WAC: variants seen among roughly 807,000 people sequenced by gnomAD.
WAC encodes WW domain containing adaptor with coiled-coil, also known as WW domain-containing adapter protein with coiled-coil.
In WAC, 11 loss-of-function variants were observed where a neutral mutation model predicts 79.6. That is an observed-to-expected ratio of 0.14 (90% confidence interval 0.09 to 0.23). The LOEUF is 0.23. Ranked by LOEUF, WAC falls within the 10% of genes least tolerant of loss-of-function variation. WAC has a pLI of 1.00. For synonymous variants in WAC, 304 were observed against 276.9 expected (o/e 1.10, Z -0.97); for missense variants, 728 against 773.5 (o/e 0.94, Z 0.70).
chr10:28,541,420 GTTTTTTTTT>G (rs869099181), intron 3 of WAC, among the ~76,000 whole-genome samples: 14 of 49,210 alleles, frequency 2.8e-4, no homozygotes, highest in African/African-American at 9.7e-4. Flanking sequence ...TGTGTGTTTT[GTTTTTTTTT>G]TTTTTTTTTT....
intron 3 of WAC, among the ~76,000 whole-genome samples, chr10:28,565,610 A>G (rs1838558371): frequency 6.6e-6 from 1 of 152,196 alleles, no homozygotes; most frequent in Non-Finnish European, 1.5e-5. Context: ...AAATAATATT[A>G]TTATAAATTG....
At chr10:28,585,908 C>A (rs567786682) in intron 4 of WAC, among the ~76,000 whole-genome samples, 1 of 151,984 alleles carries the variant, frequency 6.6e-6, no homozygotes, top group African/African-American at 2.4e-5. Context: ...AAATAATGGG[C>A]GTAGATAAGC....
At chr10:28,550,768 T>G (rs74127255) in intron 3 of WAC, among the ~76,000 whole-genome samples, 1 of 152,190 alleles carries the variant, frequency 6.6e-6, no homozygotes, top group Non-Finnish European at 1.5e-5. Flanking sequence ...AAGCAAATAG[T>G]CTATTCAGGC....
chr10:28,599,076 C>G (rs1328833348), intron 7 of WAC, among the ~76,000 whole-genome samples: 2 of 144,800 alleles, frequency 1.4e-5, no homozygotes, highest in Admixed American at 1.4e-4. Context: ...TCTGAAATGT[C>G]CATTTGACAT....
At chr10:28,611,430 T>C (rs1215529780) in intron 9 of WAC, 2 of 1,312,634 alleles carry the variant, frequency 1.5e-6, no homozygotes, top group South Asian at 1.2e-5. Context: ...AGCAGGAGAC[T>C]GCGTGGGATA....
intron 8 of WAC, among the ~76,000 whole-genome samples, chr10:28,609,836 C>G (rs1028114045): frequency 6.6e-6 from 1 of 152,084 alleles, no homozygotes; most frequent in Middle Eastern, 3.2e-3. Flanking sequence ...ATTGCACAAC[C>G]CTGTCTCCAA....
intron 3 of WAC, among the ~76,000 whole-genome samples, chr10:28,537,308 G>A (rs1836733893): frequency 6.6e-6 from 1 of 152,170 alleles, no homozygotes; most frequent in African/African-American, 2.4e-5. Context: ...ATTATGTAAA[G>A]CCTGAGATGG....
At chr10:28,557,018 A>G (rs1838033681) in intron 3 of WAC, among the ~76,000 whole-genome samples, 1 of 151,312 alleles carries the variant, frequency 6.6e-6, no homozygotes. Flanking sequence ...CTTTCTCAAA[A>G]TGCTTAGCTA....
At position 28,620,565 on chromosome 10, in the gene WAC, G is replaced by A. The variant is rs535167600; in HGVS notation, c.*959G>A. On this transcript the variant is annotated 3_prime_UTR_variant, in exon 14 of 14. Transcript: ENST00000354911. ...AAAATTGTTATTTTTCTTTTCCTTC[G>A]GTCAGTGCACATTAGCATTTGAACT... is the stretch of plus-strand genomic sequence containing the variant. 6.6e-5 allele frequency: 10 copies of A among 152,538 alleles called. No individual in the cohort carries two copies. The East Asian group carries it at 1.7e-3, about 26-fold the overall frequency. The allele number at this position is 152,538 out of a possible 1,614,324, so 9.4% of individuals were successfully genotyped here.
chr10:28,582,851 C>G (rs1449470350), intron 3 of WAC, among the ~76,000 whole-genome samples: 1 of 152,100 alleles, frequency 6.6e-6, no homozygotes, highest in East Asian at 1.9e-4. Context: ...GTCTTGATGT[C>G]ATCTTTATCA....
intron 3 of WAC, among the ~76,000 whole-genome samples, chr10:28,548,940 A>G (rs1206552291): frequency 6.6e-6 from 1 of 151,946 alleles, no homozygotes; most frequent in Non-Finnish European, 1.5e-5. Flanking sequence ...ACCCAGGCTG[A>G]ATGGAGTGCA....
rs557273312 is a variant in WAC at position 28,611,963 on chromosome 10, AC to A, written c.1437+42del. On this transcript the variant is annotated intron_variant, in intron 10 of 13. Coordinates refer to ENST00000354911, the MANE Select transcript of WAC (RefSeq NM_016628.5). ...GGGACATTCGGAAAAGAAACTACTT[AC>A]TTTTGGAAAGTCAATAACATTTTAG... 8.7e-5 allele frequency: 139 copies of A among 1,597,834 alleles called. No individual in the cohort carries two copies. The East Asian group carries it at 2.9e-3, about 34-fold the overall frequency.
At chr10:28,599,167 G>C (rs1402863039) in intron 7 of WAC, among the ~76,000 whole-genome samples, 1 of 152,214 alleles carries the variant, frequency 6.6e-6, no homozygotes, top group African/African-American at 2.4e-5. Context: ...TGATTAAAAT[G>C]ATTAAAACAA....
chr10:28,543,848 T>C (rs1837195988), intron 3 of WAC, among the ~76,000 whole-genome samples: 1 of 151,304 alleles, frequency 6.6e-6, no homozygotes, highest in African/African-American at 2.4e-5. Flanking sequence ...CTGTAATCTT[T>C]CCAGAATTGG....
chr10:28,583,447 A>T lies in WAC; in HGVS notation c.323A>T (p.His108Leu). 2 of 1,601,090 alleles carry T rather than the reference A, an allele frequency of 1.2e-6. No homozygotes were observed. Among genetic ancestry groups the T allele is most frequent in the Non-Finnish European group, 1.7e-6 (2 of 1,175,014 alleles). ...AATTCACACAACCACAGTGCTCTTC[A>T]TAGTTCAAATTCACATTCTTCTAAT... ...QENSHNHSAL[H>L]SSNSHSSNPS... The change falls in exon 4 of 14, where the codon CAT (histidine) becomes CTT (leucine). Residue 108 changes from histidine to leucine, a missense_variant. Around this residue, in one of 3 missense-constraint regions of WAC, gnomAD observed 648 missense variants for 661.5 expected, o/e 0.98. Coordinates refer to ENST00000354911, the MANE Select transcript of WAC (RefSeq NM_016628.5).
Position 28,535,523 on chromosome 10 carries a change from A to G in WAC, c.79-39A>G, listed in dbSNP as rs370746252. The stretch of plus-strand genomic sequence containing the variant: ...TTAAATTAGGGAGTTTAAGGTTTCA[A>G]TTCTTTCTCTCTTTTTTTGGGGGGG... On this transcript the variant is annotated intron_variant, in intron 2 of 13. Transcript: ENST00000354911. 17 of 1,524,796 alleles carry G rather than the reference A, an allele frequency of 1.1e-5. No individual in the cohort carries two copies. In the African/African-American group the frequency reaches 1.8e-4, roughly 16 times the overall value. 94.5% of individuals were successfully genotyped at this position (1,524,796 alleles called of 1,614,324 possible). A position where few individuals can be genotyped will look rare whatever the true frequency, so the allele number is the denominator to read the frequency against.
At chr10:28,552,248 A>G (rs922457853) in intron 3 of WAC, among the ~76,000 whole-genome samples, 2 of 152,174 alleles carry the variant, frequency 1.3e-5, no homozygotes, top group Non-Finnish European at 2.9e-5. Flanking sequence ...TCTGACTTTA[A>G]AAAGCACTAA....
intron 10 of WAC, 30 bp downstream of exon 10, chr10:28,611,952 A>C: frequency 6.3e-7 from 1 of 1,598,272 alleles, no homozygotes; most frequent in South Asian, 1.1e-5. Flanking sequence ...CATTCGGAAA[A>C]GAAACTACTT....
At chr10:28,538,465 C>T (rs1486059024) in intron 3 of WAC, 1 of 157,930 alleles carries the variant, frequency 6.3e-6, no homozygotes, top group Non-Finnish European at 1.4e-5. Flanking sequence ...GCCTGTAATC[C>T]CAACTACTAG....
Sources: allele counts gnomAD v4.1 joint callset (sites outside exome capture counted in the v4.1 genomes callset), GRCh38; gene constraint gnomAD v4.1.1; regional missense constraint gnomAD v4.1.1; transcripts MANE v1.5; gene names NCBI Gene and HGNC (gene_info 2026-07-23, HGNC 2026-07-21).